Variants in MYO1D observed in about 807,000 individuals in gnomAD.
MYO1D encodes the protein unconventional myosin-Id.
A neutral mutation model predicts 122.0 loss-of-function variants in MYO1D; 83 were observed. The observed-to-expected ratio is 0.68, with a 90% CI of 0.57 to 0.82. MYO1D has a LOEUF of 0.82. Among genes scored for constraint, MYO1D ranks in the 40% least tolerant of loss-of-function variants. MYO1D has a pLI of 0.00. For missense variants in MYO1D, 1,157 were observed against 1,269.5 expected (o/e 0.91, Z 1.35); for synonymous variants, 464 against 446.9 (o/e 1.04, Z -0.48).
At chr17:32,645,186 G>A (rs1210525645) in intron 19 of MYO1D, among the ~76,000 whole-genome samples, 1 of 152,156 alleles carries the variant, frequency 6.6e-6, no homozygotes, top group South Asian at 2.1e-4. Context: ...TAGTTTGGCT[G>A]GATATGAAAT....
intron 19 of MYO1D, among the ~76,000 whole-genome samples, chr17:32,640,796 A>G (rs1293361420): frequency 6.6e-6 from 1 of 151,888 alleles, no homozygotes; most frequent in Non-Finnish European, 1.5e-5. Context: ...TTCTAGCCTT[A>G]TGTGAGGTTT....
At chr17:32,589,071 A>G (rs2087415864) in intron 21 of MYO1D, among the ~76,000 whole-genome samples, 1 of 152,252 alleles carries the variant, frequency 6.6e-6, no homozygotes, top group African/African-American at 2.4e-5. Flanking sequence ...AGTGTACAGT[A>G]CAACAGTGTC....
At chr17:32,717,459 T>C (rs1032679337) in intron 15 of MYO1D, among the ~76,000 whole-genome samples, 4 of 152,236 alleles carry the variant, frequency 2.6e-5, no homozygotes, top group Non-Finnish European at 5.9e-5. Flanking sequence ...CAATGTTGCT[T>C]TTTTGCATAT....
chr17:32,718,187 T>C (rs1029809638), intron 15 of MYO1D, among the ~76,000 whole-genome samples: 1 of 152,178 alleles, frequency 6.6e-6, no homozygotes, highest in Admixed American at 6.5e-5. Flanking sequence ...AAGTATATAA[T>C]TCAAGTATAT....
chr17:32,686,964 AACACACACACACACACACACACACAC>A (rs57125657), intron 16 of MYO1D, among the ~76,000 whole-genome samples: 4 of 145,528 alleles, frequency 2.7e-5, no homozygotes, highest in East Asian at 4.1e-4. Flanking sequence ...CCTGTTTCAA[AACACACACACACACACACACACACAC>A]ACACACACAC....
At chr17:32,591,917 C>T (rs1393747096) in intron 21 of MYO1D, among the ~76,000 whole-genome samples, 1 of 152,128 alleles carries the variant, frequency 6.6e-6, no homozygotes, top group Non-Finnish European at 1.5e-5. Flanking sequence ...GCCGATGGAG[C>T]CCACACTTTA....
At chr17:32,635,416 T>C (rs553390937) in intron 20 of MYO1D, among the ~76,000 whole-genome samples, 1 of 152,120 alleles carries the variant, frequency 6.6e-6, no homozygotes, top group African/African-American at 2.4e-5. Flanking sequence ...AAATAAAAAA[T>C]GGGGCCAGGC....
intron 1 of MYO1D, among the ~76,000 whole-genome samples, chr17:32,845,296 C>G (rs1352844832): frequency 1.3e-5 from 2 of 152,072 alleles, no homozygotes; most frequent in Non-Finnish European, 2.9e-5. Context: ...GCTTCCTCTC[C>G]CTATTCACTC....
At chr17:32,737,955 C>T (rs2089726226) in intron 14 of MYO1D, among the ~76,000 whole-genome samples, 1 of 152,174 alleles carries the variant, frequency 6.6e-6, no homozygotes, top group African/African-American at 2.4e-5. Context: ...GCTAAAGTTC[C>T]TTTTGCTGGG....
intron 1 of MYO1D, among the ~76,000 whole-genome samples, chr17:32,788,640 T>G (rs2090321574): frequency 6.6e-6 from 1 of 152,164 alleles, no homozygotes; most frequent in South Asian, 2.1e-4. Context: ...TACCATGCTG[T>G]TTTGGTAACT....
intron 10 of MYO1D, among the ~76,000 whole-genome samples, chr17:32,757,314 T>G (rs1379217411): frequency 6.6e-6 from 1 of 152,130 alleles, no homozygotes; most frequent in Non-Finnish European, 1.5e-5. Flanking sequence ...GGAATTTTGC[T>G]CACCAGGGGA....
intron 21 of MYO1D, among the ~76,000 whole-genome samples, chr17:32,567,854 C>T (rs1417411111): frequency 2.0e-5 from 3 of 152,188 alleles, no homozygotes; most frequent in Non-Finnish European, 4.4e-5. Context: ...GCCACTGCTA[C>T]AGGTTCAGTC....
At chr17:32,720,897 T>C (rs528718419) in intron 15 of MYO1D, 126 bp downstream of exon 15, 1 of 983,162 alleles carries the variant, frequency 1.0e-6, no homozygotes, top group South Asian at 2.5e-5. Flanking sequence ...TATTTGTAAT[T>C]TCCTCAGCTC....
chr17:32,555,381 A>G (rs1462777322), intron 21 of MYO1D, among the ~76,000 whole-genome samples: 2 of 152,112 alleles, frequency 1.3e-5, no homozygotes, highest in Non-Finnish European at 2.9e-5. Flanking sequence ...TATTTGTAAA[A>G]CTATACACAG....
intron 1 of MYO1D, among the ~76,000 whole-genome samples, chr17:32,856,792 A>G (rs1488418565): frequency 6.6e-6 from 1 of 152,110 alleles, no homozygotes; most frequent in Non-Finnish European, 1.5e-5. Flanking sequence ...CTTTTCTCAC[A>G]TTTTATGCTC....
At chr17:32,538,965 G>GGA (rs941796441) in intron 21 of MYO1D, among the ~76,000 whole-genome samples, 2 of 151,918 alleles carry the variant, frequency 1.3e-5, no homozygotes, top group South Asian at 2.1e-4. Flanking sequence ...GGGGGTTGGG[G>GGA]GAGAGAGAGA....
intron 1 of MYO1D, among the ~76,000 whole-genome samples, chr17:32,868,539 A>C (rs1431138848): frequency 6.6e-6 from 1 of 152,214 alleles, no homozygotes; most frequent in Non-Finnish European, 1.5e-5. Flanking sequence ...TGTCTTAGTG[A>C]GGGAGGAAGA....
chr17:32,537,277 AAGACCC>A (rs1213087561), intron 21 of MYO1D, among the ~76,000 whole-genome samples: 1 of 152,210 alleles, frequency 6.6e-6, no homozygotes, highest in African/African-American at 2.4e-5. Flanking sequence ...CTGGGAAACT[AAGACCC>A]AGGGCCAAAT....
At chr17:32,707,912 G>C (rs1003698988) in intron 16 of MYO1D, among the ~76,000 whole-genome samples, 3 of 152,212 alleles carry the variant, frequency 2.0e-5, no homozygotes, top group Non-Finnish European at 2.9e-5. Flanking sequence ...CTCATTGCTG[G>C]AGGAATTGAG....
Sources: allele counts gnomAD v4.1 joint callset (sites outside exome capture counted in the v4.1 genomes callset), GRCh38; gene constraint gnomAD v4.1.1; transcripts MANE v1.5; gene names NCBI Gene and HGNC (gene_info 2026-07-23, HGNC 2026-07-21).